Variants in AUTS2 observed in about 807,000 individuals in gnomAD.
AUTS2 encodes the protein activator of transcription and developmental regulator AUTS2, also known as autism susceptibility gene 2 protein.
In AUTS2, 17 loss-of-function variants were observed where a neutral mutation model predicts 112.4. That is an observed-to-expected ratio of 0.15 (90% CI 0.10 to 0.23). The LOEUF is 0.23. AUTS2 is among the 10% of genes least tolerant of loss of function. The pLI is 1.00. For synonymous variants in AUTS2, 751 were observed against 702.7 expected (o/e 1.07, Z -1.09); for missense variants, 1,510 against 1,701.6 (o/e 0.89, Z 1.98).
chr7:69,978,904 A>ACG (rs1798176978), intron 2 of AUTS2, among the ~76,000 whole-genome samples: 5 of 149,838 alleles, frequency 3.3e-5, no homozygotes, highest in South Asian at 2.1e-4. Flanking sequence ...ACACACACGC[A>ACG]CACACGCACA....
At chr7:70,093,167 G>A (rs1056689622) in intron 2 of AUTS2, among the ~76,000 whole-genome samples, 9 of 152,148 alleles carry the variant, frequency 5.9e-5, no homozygotes, top group African/African-American at 1.7e-4. Context: ...TTCGTAGCCC[G>A]TATTTTCAGA....
At chr7:69,632,419 A>T (rs1310607683) in intron 1 of AUTS2, among the ~76,000 whole-genome samples, 1 of 152,192 alleles carries the variant, frequency 6.6e-6, no homozygotes, top group Non-Finnish European at 1.5e-5. Flanking sequence ...CTGGAGTTAG[A>T]ACTTGATACA....
rs577535102 is a variant in AUTS2 at position 70,766,653 on chromosome 7, G to T, written c.1689+319G>T. On this transcript the variant is annotated intron_variant, in intron 9 of 18. Coordinates refer to ENST00000342771, the MANE Select transcript of AUTS2 (RefSeq NM_015570.4). The surrounding 1 kb of genome is among the most constrained non-coding windows in gnomAD (Gnocchi z 4.8). ...TTTAGTTTTCTTGAACTTCCCGGGG[G>T]ACTGTCACCAGGCAGAAAATGCACC... 2.0e-5 allele frequency among the ~76,000 whole-genome samples: 3 copies of T among 152,296 alleles called. No individual in the cohort carries two copies. The highest frequency in any genetic ancestry group is 3.9e-4 in the East Asian group (2 of 5,176).
intron 5 of AUTS2, among the ~76,000 whole-genome samples, chr7:70,521,172 C>G (rs1258313640): frequency 2.0e-5 from 3 of 152,148 alleles, no homozygotes; most frequent in African/African-American, 7.2e-5. Flanking sequence ...AAAAAAGACC[C>G]CAGGCTGTGT....
chr7:70,203,627 C>CT (rs1010633753), intron 4 of AUTS2, among the ~76,000 whole-genome samples: 2 of 146,234 alleles, frequency 1.4e-5, no homozygotes, highest in African/African-American at 5.1e-5. Flanking sequence ...AAGTTGGTAC[C>CT]TTTTTTAAAC....
chr7:70,334,520 C>T (rs1225172245), intron 4 of AUTS2, among the ~76,000 whole-genome samples: 1 of 152,132 alleles, frequency 6.6e-6, no homozygotes, highest in South Asian at 2.1e-4. Context: ...GAATGCAGTA[C>T]AGGCAAGGGC....
intron 2 of AUTS2, among the ~76,000 whole-genome samples, chr7:70,046,661 G>A (rs1801518378): frequency 6.6e-6 from 1 of 152,162 alleles, no homozygotes; most frequent in South Asian, 2.1e-4. Context: ...ATTCCATAAA[G>A]TAAAACTTGT....
chr7:70,548,332 T>C (rs913391023), intron 5 of AUTS2, among the ~76,000 whole-genome samples: 1 of 152,226 alleles, frequency 6.6e-6, no homozygotes, highest in Non-Finnish European at 1.5e-5. Context: ...ATCCTGGGTA[T>C]ATGATTTGCA....
chr7:70,501,665 G>A (rs1042684797), intron 5 of AUTS2, among the ~76,000 whole-genome samples: 4 of 152,058 alleles, frequency 2.6e-5, no homozygotes, highest in African/African-American at 9.7e-5. Flanking sequence ...CATGAGACAT[G>A]CAGACATGCT....
chr7:70,052,782 T>G (rs1429106520), intron 2 of AUTS2, among the ~76,000 whole-genome samples: 3 of 152,180 alleles, frequency 2.0e-5, no homozygotes. Context: ...CAGCATTTCC[T>G]CAAAGATCCC....
chr7:70,075,338 C>A (rs12667498), intron 2 of AUTS2, among the ~76,000 whole-genome samples: 1 of 152,132 alleles, frequency 6.6e-6, no homozygotes, highest in Non-Finnish European at 1.5e-5. Context: ...GGAAGGATGT[C>A]CCAGTGCAGA....
chr7:70,327,395 G>A (rs1471003949), intron 4 of AUTS2, among the ~76,000 whole-genome samples: 2 of 152,138 alleles, frequency 1.3e-5, no homozygotes, highest in African/African-American at 4.8e-5. Flanking sequence ...ATCAGCCTTT[G>A]CATGAGTTTT....
Position 70,789,785 on chromosome 7 carries a change from C to G in AUTS2, c.2569C>G (p.Pro857Ala). Residue 857 changes from proline to alanine, a missense_variant, in exon 19 of 19, where the codon CCA (proline) becomes GCA (alanine). By Grantham distance (27) the Pro-to-Ala change is conservative. Transcript: ENST00000342771. ...GAAGAGACACTCCAGCCACCCTTCA[C>G]CAGCACCTGTCCTCCCGGTGAATGC... ...VEKRHSSHPS[P>A]APVLPVNALG... 6.2e-7 allele frequency: 1 copy of G among 1,614,082 alleles called. No homozygotes were observed. The highest frequency in any genetic ancestry group is 8.5e-7 in the Non-Finnish European group (1 of 1,179,960).
At chr7:70,787,462 C>CG in intron 18 of AUTS2, 31 bp downstream of exon 18, 4 of 1,496,864 alleles carry the variant, frequency 2.7e-6, no homozygotes, top group Non-Finnish European at 3.7e-6. Flanking sequence ...CGAGTCCCCA[C>CG]GGGGGAGCCT....
intron 4 of AUTS2, among the ~76,000 whole-genome samples, chr7:70,172,368 T>C (rs117878115): frequency 6.6e-6 from 1 of 152,340 alleles, no homozygotes; most frequent in African/African-American, 2.4e-5. Context: ...TGTAAGGTAA[T>C]CCCAGACAAC....
chr7:70,474,697 G>A (rs766297364), intron 5 of AUTS2, among the ~76,000 whole-genome samples: 14 of 152,288 alleles, frequency 9.2e-5, no homozygotes, highest in South Asian at 6.2e-4. Flanking sequence ...AGTTTAAGCC[G>A]TTGTTCACCA....
In AUTS2 at chr7:70,031,703, G is replaced by T. The variant is rs80023902; in HGVS notation, c.523-86429G>T. 2.9e-3 allele frequency among the ~76,000 whole-genome samples: 444 copies of T among 152,192 alleles called. 5 individuals are homozygous for T. The highest frequency in any genetic ancestry group is 0.01 in the African/African-American group (430 of 41,536). On this transcript the variant is annotated intron_variant, in intron 2 of 18. Coordinates refer to ENST00000342771, the MANE Select transcript of AUTS2 (RefSeq NM_015570.4). ...TAGATTTCCTGCACAATTGAGTGAT[G>T]CTCTAATTTTTGCCTTCTAATAAGA... is the stretch of plus-strand genomic sequence containing the variant.
chr7:69,940,861 G>A (rs892299587), intron 2 of AUTS2, among the ~76,000 whole-genome samples: 4 of 152,146 alleles, frequency 2.6e-5, no homozygotes, highest in African/African-American at 9.7e-5. Flanking sequence ...TGGGAGATGA[G>A]GGTGAGGGAG....
intron 1 of AUTS2, among the ~76,000 whole-genome samples, chr7:69,628,336 C>G (rs1389700668): frequency 6.6e-6 from 1 of 152,106 alleles, no homozygotes; most frequent in African/African-American, 2.4e-5. Flanking sequence ...GTTATATTTG[C>G]AAACAAATGT....
Sources: allele counts gnomAD v4.1 joint callset (sites outside exome capture counted in the v4.1 genomes callset), GRCh38; gene constraint gnomAD v4.1.1; non-coding constraint Gnocchi (gnomAD v3.1); transcripts MANE v1.5; gene names NCBI Gene and HGNC (gene_info 2026-07-23, HGNC 2026-07-21).